Variants in UST observed in about 807,000 individuals in gnomAD.
UST encodes chondroitin sulfate 2-O-sulfotransferase.
UST carries 21 observed loss-of-function variants against 45.6 expected under a neutral mutation model. That is an observed-to-expected ratio of 0.46 (90% CI 0.33 to 0.66). UST has a LOEUF of 0.66. UST is among the 30% of genes least tolerant of loss of function. The probability of loss-of-function intolerance (pLI) is 0.02; values close to 1 mark genes in which losing one functional copy is unlikely to be tolerated. For missense variants in UST, 463 were observed against 512.4 expected (o/e 0.90, Z 0.93); for synonymous variants, 215 against 200.6 (o/e 1.07, Z -0.61).
intron 1 of UST, among the ~76,000 whole-genome samples, chr6:148,845,169 G>A (rs1022171212): frequency 2.0e-5 from 3 of 152,180 alleles, no homozygotes; most frequent in African/African-American, 7.2e-5. Context: ...GTTTAGCTGG[G>A]TCGAGTGGTT....
intron 7 of UST, among the ~76,000 whole-genome samples, chr6:149,058,886 G>T (rs1488446332): frequency 6.6e-6 from 1 of 152,108 alleles, no homozygotes; most frequent in Non-Finnish European, 1.5e-5. Flanking sequence ...TAAAAACTGT[G>T]CTGAGGAAAA....
At chr6:148,779,056 G>A (rs1051230806) in intron 1 of UST, among the ~76,000 whole-genome samples, 5 of 151,880 alleles carry the variant, frequency 3.3e-5, no homozygotes, top group African/African-American at 1.2e-4. Context: ...GGATGCCGCT[G>A]TGGGACTTCT....
intron 1 of UST, among the ~76,000 whole-genome samples, chr6:148,878,391 C>A (rs1171888144): frequency 1.4e-3 from 22 of 16,078 alleles, no homozygotes; most frequent in African/African-American, 6.3e-3. Flanking sequence ...GGGTCATGTA[C>A]GAGTGCGGAG....
At chr6:148,994,990 A>G (rs1781424559) in intron 5 of UST, among the ~76,000 whole-genome samples, 1 of 151,978 alleles carries the variant, frequency 6.6e-6, no homozygotes, top group Non-Finnish European at 1.5e-5. Context: ...TTTAATCCCC[A>G]TAGCCATCCT....
At chr6:148,851,362 G>A (rs1210062311) in intron 1 of UST, among the ~76,000 whole-genome samples, 1 of 151,898 alleles carries the variant, frequency 6.6e-6, no homozygotes, top group Non-Finnish European at 1.5e-5. Flanking sequence ...AAGCAATTTG[G>A]ACATCACAAA....
chr6:148,951,879 A>G (rs1482294207), intron 3 of UST, among the ~76,000 whole-genome samples: 1 of 152,258 alleles, frequency 6.6e-6, no homozygotes. Flanking sequence ...TGAAATAGAC[A>G]GCTTTATGAC....
intron 2 of UST, among the ~76,000 whole-genome samples, chr6:148,927,108 G>A (rs7453976): frequency 0.27 from 41,391 of 151,512 alleles, 6,407 homozygotes; most frequent in African/African-American, 0.43. Flanking sequence ...TTGTCCTTAC[G>A]TCCCCGTTAT....
intron 7 of UST, among the ~76,000 whole-genome samples, chr6:149,029,072 T>C (rs568319394): frequency 2.0e-5 from 3 of 152,098 alleles, no homozygotes; most frequent in African/African-American, 4.8e-5. Context: ...TAATAGACTT[T>C]GCTCTGCAGA....
chr6:148,996,750 T>C (rs1279902775), intron 5 of UST, among the ~76,000 whole-genome samples: 3 of 152,252 alleles, frequency 2.0e-5, no homozygotes, highest in African/African-American at 7.2e-5. Flanking sequence ...TTCATTTCAG[T>C]ACTTATGTGT....
chr6:148,805,267 T>A (rs1040629122), intron 1 of UST, among the ~76,000 whole-genome samples: 1 of 152,244 alleles, frequency 6.6e-6, no homozygotes, highest in African/African-American at 2.4e-5. Context: ...CAAGGGATTC[T>A]GAACGAGAAA....
At chr6:149,050,587 C>T (rs921513023) in intron 7 of UST, among the ~76,000 whole-genome samples, 6 of 152,140 alleles carry the variant, frequency 3.9e-5, no homozygotes, top group Admixed American at 6.5e-5. Context: ...GAGGTAAACA[C>T]CAGCATTATT....
chr6:148,776,024 G>A (rs1027114991), intron 1 of UST, among the ~76,000 whole-genome samples: 3 of 152,294 alleles, frequency 2.0e-5, no homozygotes, highest in Admixed American at 6.5e-5. Context: ...GAGGAATTAT[G>A]AGCTGAAATT....
chr6:148,922,633 G>T (rs1415561716), intron 2 of UST, among the ~76,000 whole-genome samples: 2 of 100,348 alleles, frequency 2.0e-5, no homozygotes, highest in African/African-American at 1.1e-4. Flanking sequence ...GGAGTACCTA[G>T]GTACTTTTTT....
intron 2 of UST, among the ~76,000 whole-genome samples, chr6:148,910,938 AG>A (rs969285350): frequency 3.9e-5 from 6 of 152,094 alleles, no homozygotes; most frequent in African/African-American, 1.4e-4. Flanking sequence ...CCAAGTTCCC[AG>A]GGGGCCTTTG....
chr6:148,772,348 C>T (rs969018691), intron 1 of UST, among the ~76,000 whole-genome samples: 7 of 151,746 alleles, frequency 4.6e-5, no homozygotes, highest in Admixed American at 3.9e-4. Flanking sequence ...GTGCTGGTTC[C>T]TTCTTCCCTC....
rs542925904 is a variant in UST at position 149,076,458 on chromosome 6, G to A, written c.*2342G>A. Reference sequence around the variant, plus strand: ...GGTACTTTTACCTGTGTGTTCAAAGGCATTTCTTTTCAGCAGTGATCATTA... The same window carrying A: ...GGTACTTTTACCTGTGTGTTCAAAGACATTTCTTTTCAGCAGTGATCATTA... On this transcript the variant is annotated 3_prime_UTR_variant, in exon 8 of 8. Transcript: ENST00000367463. 3.3e-5 allele frequency: 5 copies of A among 152,284 alleles called. No individual in the cohort carries two copies. The highest frequency in any genetic ancestry group is 1.2e-4 in the African/African-American group (5 of 41,546). The allele number at this position is 152,284 out of a possible 1,614,324, so 9.4% of individuals were successfully genotyped here.
rs373839774 is a variant in UST at position 148,849,151 on chromosome 6, C to T, written c.248-37835C>T. On this transcript the variant is annotated intron_variant, in intron 1 of 7. Transcript: ENST00000367463. Reference sequence around the variant, plus strand: ...GGATCTTCCCCACTCAGTCCACCCACTTACATGCCAGTCTCCTCTGAAAAC... The same window carrying T: ...GGATCTTCCCCACTCAGTCCACCCATTTACATGCCAGTCTCCTCTGAAAAC... 3.3e-5 allele frequency among the ~76,000 whole-genome samples: 5 copies of T among 152,318 alleles called. No homozygotes were observed. In the South Asian group the frequency reaches 1.0e-3, roughly 32 times the overall value.
chr6:149,010,913 A>AAAAAAAAAAAAAAAAAAAC lies in UST; in HGVS notation c.682-8220_682-8219insAAAAAAAAAAAACAAAAAA, dbSNP rs755674810. 6.8e-3 allele frequency among the ~76,000 whole-genome samples: 628 copies of AAAAAAAAAAAAAAAAAAAC among 92,858 alleles called. 25 individuals carry two copies. Among genetic ancestry groups the AAAAAAAAAAAAAAAAAAAC allele is most frequent in the African/African-American group, 7.6e-3 (175 of 22,908 alleles). 60.9% of individuals were successfully genotyped at this position (92,858 alleles called of 152,430 possible). On this transcript the variant is annotated intron_variant, in intron 5 of 7. Coordinates refer to ENST00000367463, the MANE Select transcript of UST (RefSeq NM_005715.3). ...TCTCAACCAAAAAAAAAAAAAAAAAAAAAAAACTGTGACTATTTATTTGTC... is the reference window on the plus strand; with the variant it reads ...TCTCAACCAAAAAAAAAAAAAAAAAAAAAAAAAAAAAAAAAAAACAAAAAACTGTGACTATTTATTTGTC...
At position 148,964,428 on chromosome 6, in the gene UST, T is replaced by C. The variant is rs1401071835; in HGVS notation, c.546T>C (p.Pro182=). The C allele has an allele frequency of 3.1e-6, 5 of 1,614,212 alleles. No individual in the cohort carries two copies. Among genetic ancestry groups the C allele is most frequent in the Non-Finnish European group, 3.4e-6 (4 of 1,180,036 alleles). ...LNFSRFGGDQ[P]VYINIIRDPV... is the part of the protein sequence containing the mutation. The stretch of plus-strand genomic sequence containing the variant: ...GTGTTAGGTTTGGAGGAGACCAGCC[T>C]GTCTACATCAACATCATTAGAGACC... The change falls in exon 5 of 8, where the codon CCT becomes CCC. Residue 182 remains proline, a synonymous_variant. Transcript: ENST00000367463.
Sources: gnomAD v4.1 joint callset for allele counts (sites outside exome capture counted in the v4.1 genomes callset) on GRCh38, gnomAD v4.1.1 for gene constraint, MANE v1.5 for transcripts, NCBI Gene and HGNC (gene_info 2026-07-23, HGNC 2026-07-21) for gene names.